PCDH7: variants seen among roughly 807,000 people sequenced by gnomAD.
PCDH7 encodes protocadherin 7.
PCDH7 carries 17 observed loss-of-function variants against 58.9 expected under a neutral mutation model. That is an observed-to-expected ratio of 0.29 (90% CI 0.20 to 0.43). PCDH7 has a LOEUF of 0.43. Among genes scored for constraint, PCDH7 ranks in the 20% least tolerant of loss-of-function variants. PCDH7 has a pLI of 1.00. For missense variants in PCDH7, 1,274 were observed against 1,441.0 expected (o/e 0.88, Z 1.88); for synonymous variants, 664 against 616.4 (o/e 1.08, Z -1.14).
At chr4:31,134,599 T>C (rs1276381539) in intron 3 of PCDH7, among the ~76,000 whole-genome samples, 1 of 152,250 alleles carries the variant, frequency 6.6e-6, no homozygotes, top group African/African-American at 2.4e-5. Context: ...GCTTTGTCAA[T>C]GAACTATTTC....
intron 3 of PCDH7, among the ~76,000 whole-genome samples, chr4:31,087,160 A>G (rs933625462): frequency 5.9e-5 from 9 of 152,150 alleles, no homozygotes; most frequent in Non-Finnish European, 1.2e-4. Context: ...GTAAATAAAC[A>G]TACAGCAGGT....
chr4:30,779,456 C>T (rs916090593), intron 1 of PCDH7, among the ~76,000 whole-genome samples: 5 of 152,106 alleles, frequency 3.3e-5, no homozygotes, highest in African/African-American at 1.2e-4. Flanking sequence ...AAAAGTCTTT[C>T]TGAAAACATT....
intron 3 of PCDH7, among the ~76,000 whole-genome samples, chr4:31,118,057 A>G (rs1717216732): frequency 6.6e-6 from 1 of 152,226 alleles, no homozygotes; most frequent in Non-Finnish European, 1.5e-5. Context: ...CACCTTGAAG[A>G]TAGGATTCAC....
chr4:30,834,790 A>G (rs1290372428), intron 1 of PCDH7, among the ~76,000 whole-genome samples: 2 of 152,086 alleles, frequency 1.3e-5, no homozygotes, highest in Middle Eastern at 3.4e-3. Flanking sequence ...TTTATTATGT[A>G]TTAGATTTAT....
chr4:30,999,576 TA>T (rs1752182559), intron 3 of PCDH7, among the ~76,000 whole-genome samples: 1 of 152,088 alleles, frequency 6.6e-6, no homozygotes, highest in Admixed American at 6.6e-5. Context: ...GCAATATATC[TA>T]AAAATAGTTA....
intron 1 of PCDH7, among the ~76,000 whole-genome samples, chr4:30,815,495 G>A (rs1246764160): frequency 6.6e-6 from 1 of 152,150 alleles, no homozygotes; most frequent in Non-Finnish European, 1.5e-5. Flanking sequence ...ATGTTTCCAG[G>A]GTTTTCATTT....
At chr4:30,802,478 G>A (rs1725649142) in intron 1 of PCDH7, among the ~76,000 whole-genome samples, 2 of 152,050 alleles carry the variant, frequency 1.3e-5, no homozygotes, top group South Asian at 2.1e-4. Context: ...GGTTGAACAG[G>A]AAGGAGAAAG....
At chr4:31,091,263 C>G (rs1210350571) in intron 3 of PCDH7, among the ~76,000 whole-genome samples, 2 of 151,898 alleles carry the variant, frequency 1.3e-5, no homozygotes, top group African/African-American at 2.4e-5. Flanking sequence ...AGATGCATAA[C>G]TTAAATTAGC....
At chr4:30,790,924 A>G (rs986733353) in intron 1 of PCDH7, among the ~76,000 whole-genome samples, 3 of 151,922 alleles carry the variant, frequency 2.0e-5, no homozygotes, top group African/African-American at 7.2e-5. Context: ...CCTTGTCTCA[A>G]AAAAAACAAA....
intron 2 of PCDH7, among the ~76,000 whole-genome samples, chr4:30,938,968 C>T (rs1040300587): frequency 1.3e-5 from 2 of 152,086 alleles, no homozygotes; most frequent in Non-Finnish European, 2.9e-5. Context: ...TAAAAATATA[C>T]AAATATATTT....
At chr4:30,742,672 C>G (rs1184345558) in intron 1 of PCDH7, among the ~76,000 whole-genome samples, 2 of 152,078 alleles carry the variant, frequency 1.3e-5, no homozygotes, top group Non-Finnish European at 2.9e-5. Flanking sequence ...GCCTGGAGTT[C>G]AGAGTTGACA....
At chr4:30,759,171 ACCTCAGGCCATCCGCCCG>A (rs1161984669) in intron 1 of PCDH7, among the ~76,000 whole-genome samples, 1 of 151,972 alleles carries the variant, frequency 6.6e-6, no homozygotes, top group Non-Finnish European at 1.5e-5. Flanking sequence ...TGAACTCCTG[ACCTCAGGCCATCCGCCCG>A]CCCTGGCCTC....
At chr4:30,978,498 G>T (rs1301277844) in intron 3 of PCDH7, among the ~76,000 whole-genome samples, 1 of 152,004 alleles carries the variant, frequency 6.6e-6, no homozygotes, top group East Asian at 1.9e-4. Context: ...ATTGAGAAGT[G>T]CTGTGATTTG....
chr4:30,735,666 T>G (rs972737518), downstream of PCDH7, among the ~76,000 whole-genome samples: 5 of 152,066 alleles, frequency 3.3e-5, no homozygotes, highest in African/African-American at 1.2e-4. Context: ...GGGGTAACCT[T>G]GGGTAGCTTA....
In PCDH7 at chr4:30,721,840, A is replaced by G; in HGVS notation, c.418A>G (p.Thr140Ala). The change falls in exon 1 of 2, where the codon ACG (threonine) becomes GCG (alanine). Residue 140 changes from threonine (T) to alanine (A), a missense_variant. Physicochemically the swap from Thr to Ala is moderately conservative, Grantham distance 58 (BLOSUM62 0). This residue lies in a region of PCDH7 where 212 missense variants were observed against 255.8 expected (regional missense o/e 0.83). Transcript: ENST00000361762. This position sits in a 1 kb window ranked among gnomAD's most constrained non-coding sequence, Gnocchi z 6.7. ...CATCGTGCTTGACATCAACGACAAC[A>G]CGCCCACCTTCCCGTCGCCCGTGCT... 1.2e-6 allele frequency: 2 copies of G among 1,609,614 alleles called. No homozygotes were observed. Among genetic ancestry groups the G allele is most frequent in the Non-Finnish European group, 1.7e-6 (2 of 1,178,380 alleles).
At chr4:31,044,683 A>C (rs1425091244) in intron 3 of PCDH7, among the ~76,000 whole-genome samples, 1 of 152,110 alleles carries the variant, frequency 6.6e-6, no homozygotes, top group Non-Finnish European at 1.5e-5. Context: ...ACAGACAAAA[A>C]TGTGAGTGTT....
At chr4:30,838,227 C>A (rs949111391) in intron 1 of PCDH7, among the ~76,000 whole-genome samples, 1 of 151,698 alleles carries the variant, frequency 6.6e-6, no homozygotes, top group Non-Finnish European at 1.5e-5. Flanking sequence ...GAATGGCAGG[C>A]AAAATGAAAT....
chr4:30,856,428 A>G (rs1375178155), intron 1 of PCDH7, among the ~76,000 whole-genome samples: 1 of 152,090 alleles, frequency 6.6e-6, no homozygotes, highest in African/African-American at 2.4e-5. Flanking sequence ...TAGGTAAAAG[A>G]AGAAATACAG....
intron 1 of PCDH7, among the ~76,000 whole-genome samples, chr4:30,874,643 A>C (rs894114664): frequency 9.9e-5 from 15 of 151,894 alleles, no homozygotes; most frequent in African/African-American, 3.6e-4. Flanking sequence ...ATACATATGT[A>C]ACTAACCTGC....
Sources: allele counts gnomAD v4.1 joint callset (sites outside exome capture counted in the v4.1 genomes callset), GRCh38; gene constraint gnomAD v4.1.1; regional missense constraint gnomAD v4.1.1; non-coding constraint Gnocchi (gnomAD v3.1); transcripts MANE v1.5; gene names NCBI Gene and HGNC (gene_info 2026-07-23, HGNC 2026-07-21).